TANC2: variants seen among roughly 807,000 people sequenced by gnomAD.
TANC2 encodes the protein protein TANC2.
In TANC2, 26 loss-of-function variants were observed where a neutral mutation model predicts 210.5. The ratio of observed to expected loss-of-function variants is 0.12; its 90% CI spans 0.09 to 0.17. The LOEUF (loss-of-function observed/expected upper bound fraction) is 0.17, where lower values mean the gene tolerates loss of function less well. Among genes scored for constraint, TANC2 ranks in the 10% least tolerant of loss-of-function variants. The probability of loss-of-function intolerance (pLI) is 1.00; values close to 1 mark genes in which losing one functional copy is unlikely to be tolerated. For synonymous variants in TANC2, 931 were observed against 967.1 expected (o/e 0.96, Z 0.69); for missense variants, 2,129 against 2,608.9 (o/e 0.82, Z 4.01).
chr17:63,098,004 C>T (rs186307660), intron 3 of TANC2, among the ~76,000 whole-genome samples: 118 of 152,132 alleles, frequency 7.8e-4, no homozygotes, highest in African/African-American at 2.6e-3. Context: ...AAATTTTAAA[C>T]GTTTATTTTC....
intron 11 of TANC2, among the ~76,000 whole-genome samples, chr17:63,336,777 A>G (rs2046044829): frequency 6.6e-6 from 1 of 152,262 alleles, no homozygotes; most frequent in Non-Finnish European, 1.5e-5. Context: ...ACATAGCTAA[A>G]AAATGAAATT....
rs117581890 is a variant in TANC2 at position 63,208,537 on chromosome 17, C to G, written c.769+7580C>G. Among the ~76,000 whole-genome samples the G allele has an allele frequency of 2.3e-3, 355 of 152,218 alleles. 2 individuals carry two copies. Among genetic ancestry groups the G allele is most frequent in the Non-Finnish European group, 3.9e-3 (262 of 67,992 alleles). On this transcript the variant is annotated intron_variant, in intron 7 of 27. Coordinates refer to ENST00000689528, the Ensembl canonical transcript of TANC2. ...CCAAATAAACTTAAGAATCAATTTGCCAAATTCATGAAGAACCCCTTTTGA... is the reference window on the plus strand; with the variant it reads ...CCAAATAAACTTAAGAATCAATTTGGCAAATTCATGAAGAACCCCTTTTGA...
chr17:63,025,951 G>A (rs980705984), intron 2 of TANC2, among the ~76,000 whole-genome samples: 2 of 151,998 alleles, frequency 1.3e-5, no homozygotes, highest in Non-Finnish European at 2.9e-5. Flanking sequence ...TTCGTATCCT[G>A]TAAATCTCCC....
At chr17:63,206,337 A>G (rs1024096401) in intron 7 of TANC2, among the ~76,000 whole-genome samples, 1 of 152,166 alleles carries the variant, frequency 6.6e-6, no homozygotes, top group African/African-American at 2.4e-5. Context: ...TGATCCGGCA[A>G]TTTCTCTTCT....
chr17:63,267,624 A>G (rs1397733943), intron 8 of TANC2, 124 bp from the exon 9 acceptor site: 5 of 810,578 alleles, frequency 6.2e-6, no homozygotes, highest in Non-Finnish European at 9.2e-6. Context: ...TATATATATT[A>G]CATATTTTGC....
At chr17:62,993,519 A>G (rs2032968510) in intron 1 of TANC2, among the ~76,000 whole-genome samples, 1 of 152,100 alleles carries the variant, frequency 6.6e-6, no homozygotes, top group African/African-American at 2.4e-5. Flanking sequence ...TATAATTTTC[A>G]GTGTACAAGT....
chr17:63,345,348 A>G (rs558619069), intron 12 of TANC2, among the ~76,000 whole-genome samples: 9 of 152,318 alleles, frequency 5.9e-5, no homozygotes, highest in African/African-American at 2.2e-4. Flanking sequence ...GGCTGGTTGC[A>G]GTGGCTCACG....
At chr17:63,239,976 A>T (rs938523893) in intron 8 of TANC2, among the ~76,000 whole-genome samples, 1 of 152,148 alleles carries the variant, frequency 6.6e-6, no homozygotes, top group African/African-American at 2.4e-5. Context: ...GAGAACTCTC[A>T]TATTACAAGA....
intron 11 of TANC2, among the ~76,000 whole-genome samples, chr17:63,327,726 A>G (rs979042415): frequency 2.6e-5 from 4 of 152,126 alleles, no homozygotes; most frequent in Non-Finnish European, 5.9e-5. Flanking sequence ...TGGTACATAT[A>G]CACCATGGAA....
At chr17:63,369,578 G>C (rs2047205405) in intron 14 of TANC2, among the ~76,000 whole-genome samples, 2 of 148,696 alleles carry the variant, frequency 1.3e-5, no homozygotes, top group African/African-American at 5.0e-5. Flanking sequence ...TTTTGAGACG[G>C]GGTCTCACTC....
intron 9 of TANC2, among the ~76,000 whole-genome samples, chr17:63,272,777 G>C (rs950150459): frequency 1.3e-5 from 2 of 152,094 alleles, no homozygotes; most frequent in South Asian, 2.1e-4. Context: ...TATATACACT[G>C]TAGTATACCC....
intron 1 of TANC2, among the ~76,000 whole-genome samples, chr17:63,003,679 C>G (rs546790887): frequency 6.6e-6 from 1 of 152,256 alleles, no homozygotes; most frequent in African/African-American, 2.4e-5. Context: ...TAAAGGGGGA[C>G]TACTGTATCT....
intron 12 of TANC2, among the ~76,000 whole-genome samples, chr17:63,346,559 C>T (rs1421678054): frequency 6.6e-6 from 1 of 151,744 alleles, no homozygotes; most frequent in East Asian, 1.9e-4. Context: ...CACTTCACAC[C>T]CATTAGAATA....
chr17:63,267,575 A>G (rs966813962), intron 8 of TANC2, among the ~76,000 whole-genome samples, 173 bp from the exon 9 acceptor site: 4 of 152,152 alleles, frequency 2.6e-5, no homozygotes, highest in Non-Finnish European at 5.9e-5. Flanking sequence ...TTTACAAACC[A>G]CTTATTTGGA....
intron 8 of TANC2, among the ~76,000 whole-genome samples, chr17:63,241,045 T>C (rs187952120): frequency 6.6e-5 from 10 of 152,332 alleles, no homozygotes; most frequent in Non-Finnish European, 1.0e-4. Context: ...ATCTGTGATA[T>C]CAGCTTTAAA....
intron 19 of TANC2, among the ~76,000 whole-genome samples, chr17:63,400,190 C>T (rs1025839835): frequency 7.9e-5 from 12 of 152,208 alleles, no homozygotes; most frequent in Admixed American, 5.9e-4. Context: ...CCTTTGTTGC[C>T]AAGGGCATGG....
chr17:63,277,806 AAAAC>A (rs1473227600), intron 9 of TANC2, among the ~76,000 whole-genome samples: 1 of 152,108 alleles, frequency 6.6e-6, no homozygotes, highest in East Asian at 1.9e-4. Flanking sequence ...AGCAAAAAAA[AAAAC>A]AAAGACTAAA....
intron 9 of TANC2, among the ~76,000 whole-genome samples, chr17:63,308,170 G>A (rs1326531684): frequency 6.6e-6 from 1 of 152,174 alleles, no homozygotes; most frequent in African/African-American, 2.4e-5. Context: ...AAGCAGGAAA[G>A]CTATTTCTAT....
intron 4 of TANC2, among the ~76,000 whole-genome samples, chr17:63,114,110 C>T (rs185342139): frequency 1.4e-4 from 22 of 152,216 alleles, no homozygotes; most frequent in African/African-American, 5.3e-4. Flanking sequence ...CCCTGCTTAT[C>T]AATAAAAACA....
Sources: allele counts gnomAD v4.1 joint callset (sites outside exome capture counted in the v4.1 genomes callset), GRCh38; gene constraint gnomAD v4.1.1; transcripts MANE v1.5; gene names NCBI Gene and HGNC (gene_info 2026-07-23, HGNC 2026-07-21).